The following DNAJC15 variants were observed in gnomAD, a reference collection of about 807,000 sequenced individuals.
DNAJC15 encodes the protein DnaJ heat shock protein family (Hsp40) member C15, also known as dnaJ homolog subfamily C member 15.
DNAJC15 carries 27 observed loss-of-function variants against 22.4 expected under a neutral mutation model. The ratio of observed to expected loss-of-function variants is 1.20; its 90% CI spans 0.89 to 1.66. The LOEUF (loss-of-function observed/expected upper bound fraction) is 1.66. DNAJC15 is among the 40% of genes most tolerant of loss of function. The probability of loss-of-function intolerance (pLI) is 0.00; values close to 1 mark genes in which losing one functional copy is unlikely to be tolerated. For synonymous variants in DNAJC15, 79 were observed against 63.2 expected (o/e 1.25, Z -1.19); for missense variants, 208 against 187.1 (o/e 1.11, Z -0.65).
In DNAJC15 at chr13:43,090,646, A is replaced by G. The variant is rs1269900678; in HGVS notation, c.382+4808A>G. ...TGTTATCAAGGCGCTCTGGCCTCTT[A>G]AAAGAAATTGGGCAGCATTCTTTAC... On this transcript the variant is annotated intron_variant, in intron 5 of 5. Transcript: ENST00000379221. 2.6e-5 allele frequency among the ~76,000 whole-genome samples: 4 copies of G among 151,940 alleles called. No individual in the cohort carries two copies. The East Asian group carries it at 5.8e-4, about 22-fold the overall frequency.
Position 43,098,230 on chromosome 13 carries a change from CTT to C in DNAJC15, c.383-8945_383-8944del, listed in dbSNP as rs556147793. 4.6e-5 allele frequency among the ~76,000 whole-genome samples: 7 copies of C among 152,276 alleles called. No individual in the cohort carries two copies. In the South Asian group the frequency reaches 1.2e-3, roughly 27 times the overall value. On this transcript the variant is annotated intron_variant, in intron 5 of 5. Coordinates refer to ENST00000379221, the MANE Select transcript of DNAJC15 (RefSeq NM_013238.3). ...GAAAATTTGACCCCTATAAGGAAGACTTTTCTTCTAGCTGGAACGTAAGACAT... is the reference window on the plus strand; with the variant it reads ...GAAAATTTGACCCCTATAAGGAAGACTTCTTCTAGCTGGAACGTAAGACAT...
At position 43,107,183 on chromosome 13, in the gene DNAJC15, T is replaced by A; in HGVS notation, c.388T>A (p.Ser130Thr). ...ATTTTTCTTTGTTCTCTCAGGTGGA[T>A]CTCCTTACGTAGCAGCCAAAATAAA... ...MILNHPDKGGSPYVAAKINEA... is the reference protein window; with the variant it reads ...MILNHPDKGGTPYVAAKINEA... The change falls in exon 6 of 6, where the codon TCT becomes ACT. Residue 130 changes from serine (S) to threonine (T), a missense_variant. Physicochemically the swap from Ser to Thr is moderately conservative, Grantham distance 58 (BLOSUM62 1). Transcript: ENST00000379221. The A allele has an allele frequency of 1.3e-6, 2 of 1,572,030 alleles. No homozygotes were observed. The highest frequency in any genetic ancestry group is 2.3e-5 in the East Asian group (1 of 42,856).
intron 5 of DNAJC15, among the ~76,000 whole-genome samples, chr13:43,101,745 A>G (rs1477181902): frequency 1.3e-5 from 2 of 152,188 alleles, no homozygotes; most frequent in Non-Finnish European, 2.9e-5. Context: ...CCATCCAGAT[A>G]GTTGCAAATG....
At chr13:43,035,704 A>C (rs1734007706) in intron 1 of DNAJC15, among the ~76,000 whole-genome samples, 1 of 152,048 alleles carries the variant, frequency 6.6e-6, no homozygotes, top group African/African-American at 2.4e-5. Context: ...TCAAAGTACC[A>C]ATTTATTTTT....
intron 1 of DNAJC15, among the ~76,000 whole-genome samples, chr13:43,062,024 T>A (rs2040561687): frequency 1.3e-5 from 2 of 152,214 alleles, no homozygotes; most frequent in South Asian, 4.1e-4. Context: ...TAGTGATGAT[T>A]TTATCAGTGA....
At chr13:43,097,172 A>G (rs2040743776) in intron 5 of DNAJC15, among the ~76,000 whole-genome samples, 1 of 152,236 alleles carries the variant, frequency 6.6e-6, no homozygotes, top group Admixed American at 6.5e-5. Context: ...GGGGAGGCGG[A>G]TGCTGATTTA....
chr13:43,067,410 A>G (rs576246439), intron 2 of DNAJC15, among the ~76,000 whole-genome samples: 16 of 152,300 alleles, frequency 1.1e-4, no homozygotes, highest in African/African-American at 3.8e-4. Context: ...TCATGTCTCA[A>G]ACAGAATTCT....
intron 1 of DNAJC15, 117 bp downstream of exon 1, chr13:43,023,851 G>GAGCGC: frequency 1.0e-6 from 1 of 980,634 alleles, no homozygotes; most frequent in Non-Finnish European, 1.5e-6. Flanking sequence ...CACGGTCTGT[G>GAGCGC]CCCTAGCGCT....
intron 1 of DNAJC15, among the ~76,000 whole-genome samples, chr13:43,054,786 C>T (rs537715368): frequency 3.6e-4 from 54 of 151,988 alleles, no homozygotes; most frequent in Non-Finnish European, 6.6e-4. Flanking sequence ...TTTGGGTAGA[C>T]GGGGAGAAGA....
At chr13:43,051,915 A>C (rs1031070014) in intron 1 of DNAJC15, among the ~76,000 whole-genome samples, 4 of 152,140 alleles carry the variant, frequency 2.6e-5, no homozygotes, top group African/African-American at 9.7e-5. Flanking sequence ...CCAGCAGTGT[A>C]AAAGTGTTCC....
At chr13:43,052,845 G>C (rs2040512121) in intron 1 of DNAJC15, among the ~76,000 whole-genome samples, 2 of 152,170 alleles carry the variant, frequency 1.3e-5, no homozygotes, top group South Asian at 4.1e-4. Context: ...TCTGTGGGTT[G>C]TTTATTCTGC....
At chr13:43,053,715 T>A (rs1182839208) in intron 1 of DNAJC15, among the ~76,000 whole-genome samples, 1 of 152,232 alleles carries the variant, frequency 6.6e-6, no homozygotes, top group Non-Finnish European at 1.5e-5. Flanking sequence ...ATTCTCAGGT[T>A]GGTCACTGTT....
chr13:43,095,517 T>C (rs1330247373), intron 5 of DNAJC15, among the ~76,000 whole-genome samples: 1 of 152,090 alleles, frequency 6.6e-6, no homozygotes, highest in African/African-American at 2.4e-5. Flanking sequence ...GACTTAAGAA[T>C]CATCAATATA....
At chr13:43,083,680 C>T (rs1169570306) in intron 4 of DNAJC15, among the ~76,000 whole-genome samples, 1 of 152,088 alleles carries the variant, frequency 6.6e-6, no homozygotes, top group Non-Finnish European at 1.5e-5. Flanking sequence ...TGTAATTTTT[C>T]AGTGTAATTT....
chr13:43,023,846 T>C, intron 1 of DNAJC15, 112 bp downstream of exon 1: 2 of 1,016,254 alleles, frequency 2.0e-6, no homozygotes, highest in Non-Finnish European at 2.9e-6. Context: ...TCGCTCACGG[T>C]CTGTGCCCTA....
At chr13:43,095,061 T>A (rs959305915) in intron 5 of DNAJC15, among the ~76,000 whole-genome samples, 1 of 152,138 alleles carries the variant, frequency 6.6e-6, no homozygotes, top group Non-Finnish European at 1.5e-5. Context: ...TTGCTTTTAG[T>A]GTGAGCATCT....
chr13:43,059,292 T>C (rs2040545997), intron 1 of DNAJC15, among the ~76,000 whole-genome samples: 1 of 152,218 alleles, frequency 6.6e-6, no homozygotes, highest in Non-Finnish European at 1.5e-5. Context: ...GTAAAATATA[T>C]GTGACAGAAC....
rs200640351 is a variant in DNAJC15, at chr13:43,090,950, C to G, written c.382+5112C>G. Among the ~76,000 whole-genome samples, 7 of 152,142 alleles carry G rather than the reference C, an allele frequency of 4.6e-5. No homozygotes were observed. In the East Asian group the frequency reaches 7.7e-4, roughly 17 times the overall value. Reference sequence around the variant, plus strand: ...GTCTCCTGACATCGTGATCCACCCACCTTGGCCTCCCAAAGTGAGATTAGT... The same window carrying G: ...GTCTCCTGACATCGTGATCCACCCAGCTTGGCCTCCCAAAGTGAGATTAGT... On this transcript the variant is annotated intron_variant, in intron 5 of 5. Coordinates refer to ENST00000379221, the MANE Select transcript of DNAJC15 (RefSeq NM_013238.3).
At chr13:43,102,631 A>G (rs1478539249) in intron 5 of DNAJC15, among the ~76,000 whole-genome samples, 2 of 152,028 alleles carry the variant, frequency 1.3e-5, no homozygotes, top group Non-Finnish European at 2.9e-5. Flanking sequence ...TAATAAATAT[A>G]TATTTATTTT....
Sources: gnomAD v4.1 joint callset for allele counts (sites outside exome capture counted in the v4.1 genomes callset) on GRCh38, gnomAD v4.1.1 for gene constraint, MANE v1.5 for transcripts, NCBI Gene and HGNC (gene_info 2026-07-23, HGNC 2026-07-21) for gene names.